The following PSG6 variants were observed in gnomAD, a reference collection of about 807,000 sequenced individuals.
The protein encoded by PSG6 is pregnancy-specific beta-1-glycoprotein 6.
In PSG6, 51 loss-of-function variants were observed where a neutral mutation model predicts 43.3. The observed-to-expected ratio is 1.18, with a 90% CI of 0.94 to 1.49. The LOEUF (loss-of-function observed/expected upper bound fraction) is 1.49. PSG6 is among the 40% of genes most tolerant of loss of function. PSG6 has a pLI of 0.00. For missense variants in PSG6, 770 were observed against 522.2 expected (o/e 1.47, Z -4.62); for synonymous variants, 292 against 197.6 (o/e 1.48, Z -4.01).
intron 5 of PSG6, among the ~76,000 whole-genome samples, chr19:42,905,994 G>A (rs1385397396): frequency 4.0e-5 from 6 of 151,642 alleles, no homozygotes; most frequent in Non-Finnish European, 7.4e-5. Flanking sequence ...GAAATGGATA[G>A]TGTGATAGTT....
Position 42,907,565 on chromosome 19 carries a change from A to C in PSG6, c.985+11T>G. 6.2e-7 allele frequency: 1 copy of C among 1,611,668 alleles called. No individual in the cohort carries two copies. The highest frequency in any genetic ancestry group is 8.5e-7 in the Non-Finnish European group (1 of 1,178,842). On this transcript the variant is annotated intron_variant, in intron 4 of 5. Transcript: ENST00000187910. ...GGTGTCCTGGCCCACAGAGGAACAA[A>C]GGATACTCACAGAGGACATTCAGGG...
chr19:42,904,055 T>C (rs149535572), intron 5 of PSG6, among the ~76,000 whole-genome samples: 1 of 151,694 alleles, frequency 6.6e-6, no homozygotes, highest in Non-Finnish European at 1.5e-5. Flanking sequence ...AATATGAATA[T>C]AACTATAATC....
At chr19:42,911,419 C>T (rs1326694181) in intron 2 of PSG6, among the ~76,000 whole-genome samples, 1 of 151,370 alleles carries the variant, frequency 6.6e-6, no homozygotes, top group African/African-American at 2.4e-5. Context: ...TCAGTTCAGT[C>T]ATCAGGCAGT....
chr19:42,910,430 G>A, intron 3 of PSG6, 150 bp downstream of exon 3: 1 of 1,585,056 alleles, frequency 6.3e-7, no homozygotes, highest in East Asian at 2.2e-5. Context: ...GGCCTACTCT[G>A]GTTTGCCTGG....
chr19:42,914,104 G>A (rs1456252934), intron 2 of PSG6, among the ~76,000 whole-genome samples: 1 of 151,542 alleles, frequency 6.6e-6, no homozygotes, highest in Non-Finnish European at 1.5e-5. Flanking sequence ...GGTGGATGGG[G>A]GAACTGCCTA....
intron 5 of PSG6, chr19:42,903,834 A>C (rs746696753): frequency 8.9e-6 from 12 of 1,355,814 alleles, no homozygotes; most frequent in Non-Finnish European, 1.2e-5. Flanking sequence ...TTGAGGCTGC[A>C]GTGAGCCATA....
chr19:42,912,695 T>G (rs1972250023), intron 2 of PSG6, among the ~76,000 whole-genome samples: 2 of 151,956 alleles, frequency 1.3e-5, no homozygotes, highest in Admixed American at 1.3e-4. Context: ...CTTCTTCATT[T>G]TCTCTTAAGG....
In PSG6 at chr19:42,916,152, T is replaced by A; in HGVS notation, c.400A>T (p.Thr134Ser). 1.2e-6 allele frequency: 2 copies of A among 1,611,902 alleles called. No homozygotes were observed. The highest frequency in any genetic ancestry group is 1.7e-6 in the Non-Finnish European group (2 of 1,178,946). The change falls in exon 2 of 6, where the codon ACT becomes TCT. Residue 134 changes from threonine (T) to serine (S), a missense_variant. Physicochemically the swap from Thr to Ser is moderately conservative, Grantham distance 58 (BLOSUM62 1). Transcript: ENST00000187910. Reference sequence around the variant, plus strand: ...TATAAGGTGACAGTGAAATATCCAGTTACTCCTCCAGTCCCATCGCCTCGC... The same window carrying A: ...TATAAGGTGACAGTGAAATATCCAGATACTCCTCCAGTCCCATCGCCTCGC... The part of the protein sequence containing the change: ...IKRGDGTGGV[T>S]GYFTVTLYSE...
chr19:42,917,687 T>C, intron 1 of PSG6, 42 bp downstream of exon 1: 1 of 1,604,400 alleles, frequency 6.2e-7, no homozygotes, highest in Non-Finnish European at 8.5e-7. Context: ...CCAGTCACTC[T>C]GCTTCCTCCT....
chr19:42,914,591 G>T (rs1972288482), intron 2 of PSG6, among the ~76,000 whole-genome samples: 1 of 150,708 alleles, frequency 6.6e-6, no homozygotes, highest in Non-Finnish European at 1.5e-5. Context: ...CATGAGGTGG[G>T]GTGGCTTTAG....
intron 3 of PSG6, among the ~76,000 whole-genome samples, chr19:42,908,558 T>C (rs1972161618): frequency 6.6e-6 from 1 of 151,696 alleles, no homozygotes; most frequent in South Asian, 2.1e-4. Flanking sequence ...AGCTGGTGGC[T>C]TTGGAGCAGA....
At chr19:42,904,765 T>G (rs1438547003) in intron 5 of PSG6, among the ~76,000 whole-genome samples, 1 of 151,606 alleles carries the variant, frequency 6.6e-6, no homozygotes, top group East Asian at 1.9e-4. Flanking sequence ...CTCAGTGACA[T>G]TTTTGCAGAA....
rs1376787225 is a variant in PSG6, at chr19:42,917,748, C to T, written c.45G>A (p.Trp15Ter). Reference sequence around the variant, plus strand: ...CCTCACCTGTGAGCAGGAGCCCCTTCCAGGTGATGTGCTGAGTGCAGGGAG... The same window carrying T: ...CCTCACCTGTGAGCAGGAGCCCCTTTCAGGTGATGTGCTGAGTGCAGGGAG... The part of the protein sequence containing the change: ...SAPPCTQHIT[W>*]KGLLLTASLL... The change falls in exon 1 of 6, where the codon TGG (tryptophan) becomes TGA (stop). Residue 15 changes from tryptophan to a stop codon, truncating the protein, a stop_gained. Coordinates refer to ENST00000187910, the MANE Select transcript of PSG6 (RefSeq NM_001031850.4). LOFTEE classifies it high-confidence loss of function. The T allele has an allele frequency of 1.9e-6, 3 of 1,610,328 alleles. 1 individual carries two copies. Among genetic ancestry groups the T allele is most frequent in the Non-Finnish European group, 1.7e-6 (2 of 1,177,970 alleles).
chr19:42,916,437 C>A lies in PSG6; in HGVS notation c.115G>T (p.Glu39Ter). The A allele has an allele frequency of 6.2e-7, 1 of 1,611,906 alleles. No homozygotes were observed. The highest frequency in any genetic ancestry group is 8.5e-7 in the Non-Finnish European group (1 of 1,179,026). The change falls in exon 2 of 6, where the codon GAA becomes TAA. Residue 39 changes from glutamate (E) to a stop codon, truncating the protein, a stop_gained. Transcript: ENST00000187910. LOFTEE classifies it high-confidence loss of function. ...NLPTTAQVII[E>*]AKPPKVSEGK... ...TCGGAAACTTTGGGTGGCTTGGCTT[C>A]AATTATTACTTGGGCAGTGGTGGGC... is the stretch of plus-strand genomic sequence containing the variant.
At chr19:42,909,131 C>A (rs554998420) in intron 3 of PSG6, among the ~76,000 whole-genome samples, 3 of 151,638 alleles carry the variant, frequency 2.0e-5, no homozygotes, top group Non-Finnish European at 4.4e-5. Context: ...ATGTAAAATG[C>A]TTCAGTGAGC....
chr19:42,914,529 C>T (rs985961368), intron 2 of PSG6, among the ~76,000 whole-genome samples: 6 of 147,112 alleles, frequency 4.1e-5, no homozygotes, highest in Admixed American at 2.7e-4. Flanking sequence ...CTCCACAGTC[C>T]AGGACCAAAG....
intron 5 of PSG6, among the ~76,000 whole-genome samples, chr19:42,906,404 C>G (rs140567430): frequency 0.014 from 2,049 of 151,564 alleles, 82 homozygotes; most frequent in African/African-American, 0.047. Context: ...CAGGTGGAGT[C>G]AGGCAGGGCC....
intron 5 of PSG6, chr19:42,906,596 T>C: frequency 7.5e-7 from 1 of 1,339,214 alleles, no homozygotes. Context: ...GAAGGGGATG[T>C]GTTCGTGACA....
rs202052650 is a variant in PSG6, at chr19:42,911,268, GC to G, written c.428-411del. 3.6e-3 allele frequency among the ~76,000 whole-genome samples: 550 copies of G among 151,652 alleles called. 5 individuals carry two copies. The highest frequency in any genetic ancestry group is 0.012 in the African/African-American group (515 of 41,370). On this transcript the variant is annotated intron_variant, in intron 2 of 5. Coordinates refer to ENST00000187910, the MANE Select transcript of PSG6 (RefSeq NM_001031850.4). ...CCCCCTGAGGTATGTTTTCTCATCA[GC>G]TTCCCTTGCCAAGGACATCCTAGAG...
Sources: gnomAD v4.1 joint callset for allele counts (sites outside exome capture counted in the v4.1 genomes callset) on GRCh38, gnomAD v4.1.1 for gene constraint, MANE v1.5 for transcripts, NCBI Gene and HGNC (gene_info 2026-07-23, HGNC 2026-07-21) for gene names.